TENM2: variants seen among roughly 807,000 people sequenced by gnomAD.
TENM2 encodes the protein teneurin-2.
TENM2 carries 52 observed loss-of-function variants against 245.2 expected under a neutral mutation model. That is an observed-to-expected ratio of 0.21 (90% CI 0.17 to 0.27). TENM2 has a LOEUF of 0.27. Ranked by LOEUF, TENM2 falls within the 10% of genes least tolerant of loss-of-function variation. The probability of loss-of-function intolerance (pLI) is 1.00; values close to 1 mark genes in which losing one functional copy is unlikely to be tolerated. For missense variants in TENM2, 3,046 were observed against 3,666.8 expected, an observed-to-expected ratio of 0.83 and a Z score of 4.37; for synonymous variants, 1,363 against 1,438.9, an observed-to-expected ratio of 0.95 and a Z score of 1.19.
chr5:167,108,371 C>T, the TENM2 span, among the ~76,000 whole-genome samples: 1 of 152,078 alleles, frequency 6.6e-6, no homozygotes, highest in Non-Finnish European at 1.5e-5. Context: ...GGTGATCCAC[C>T]CACCTTGGCC....
At chr5:168,091,005 G>A (rs1026429736) in intron 8 of TENM2, among the ~76,000 whole-genome samples, 2 of 152,140 alleles carry the variant, frequency 1.3e-5, no homozygotes, top group Non-Finnish European at 2.9e-5. Context: ...GTTTGGGTCA[G>A]ACTGCCTGGG....
At chr5:167,344,832 C>T (rs185708419) in intron 1 of TENM2, among the ~76,000 whole-genome samples, 3 of 152,084 alleles carry the variant, frequency 2.0e-5, no homozygotes, top group Non-Finnish European at 2.9e-5. Context: ...TCCTGGAGTC[C>T]CCACAGAAAG....
intron 2 of TENM2, among the ~76,000 whole-genome samples, chr5:167,864,693 C>A (rs17512980): frequency 0.52 from 79,689 of 152,062 alleles, 21,775 homozygotes; most frequent in Non-Finnish European, 0.59. Flanking sequence ...CAGAAAACCT[C>A]GGTTCCAACT....
In TENM2 at chr5:167,435,926, G is replaced by A. The variant is rs112744375; in HGVS notation, c.502+60453G>A. 2.5e-3 allele frequency among the ~76,000 whole-genome samples: 371 copies of A among 150,020 alleles called. 1 individual carries two copies. Among genetic ancestry groups the A allele is most frequent in the African/African-American group, 8.6e-3 (355 of 41,104 alleles). ...GATCTGTGGAACTTTGAACTTGAGA[G>A]AGATGAGTCAGGATACCTGGTAGAA... On this transcript the variant is annotated intron_variant, in intron 2 of 28. Coordinates refer to ENST00000518659, the Ensembl canonical transcript of TENM2.
At chr5:168,149,228 G>A (rs1012384356) in intron 12 of TENM2, among the ~76,000 whole-genome samples, 5 of 152,184 alleles carry the variant, frequency 3.3e-5, no homozygotes, top group Admixed American at 6.5e-5. Context: ...TTCTCTCCGC[G>A]TCTCCACTCT....
At chr5:167,883,316 G>A (rs1025062996) in intron 3 of TENM2, among the ~76,000 whole-genome samples, 1 of 152,214 alleles carries the variant, frequency 6.6e-6, no homozygotes, top group Non-Finnish European at 1.5e-5. Flanking sequence ...ACCAAATAGA[G>A]ATCAGACTTT....
chr5:167,906,078 A>T (rs940836357), intron 3 of TENM2, among the ~76,000 whole-genome samples: 1 of 152,162 alleles, frequency 6.6e-6, no homozygotes, highest in African/African-American at 2.4e-5. Context: ...CATAGCTCAC[A>T]CCTGCCAACC....
At chr5:167,182,480 T>C in the TENM2 span, among the ~76,000 whole-genome samples, 1 of 152,196 alleles carries the variant, frequency 6.6e-6, no homozygotes, top group East Asian at 1.9e-4. Flanking sequence ...TAATCGTGAT[T>C]AGATGAATTT....
chr5:168,088,290 T>C (rs1163855494), intron 7 of TENM2: 1 of 152,218 alleles, frequency 6.6e-6, no homozygotes, highest in Non-Finnish European at 1.5e-5. Flanking sequence ...GTCTTTGCAG[T>C]TGGACATTTT....
intron 1 of TENM2, among the ~76,000 whole-genome samples, chr5:167,329,602 G>A (rs541012817): frequency 6.4e-4 from 90 of 140,010 alleles, no homozygotes; most frequent in African/African-American, 2.2e-3. Flanking sequence ...CTCCCCTTAC[G>A]TTTTTGTTAA....
At chr5:167,794,621 G>C (rs1765199140) in intron 2 of TENM2, among the ~76,000 whole-genome samples, 1 of 152,234 alleles carries the variant, frequency 6.6e-6, no homozygotes, top group Admixed American at 6.5e-5. Context: ...GGAGAAAGAA[G>C]TAGGCAACTG....
At chr5:167,244,638 A>T in the TENM2 span, among the ~76,000 whole-genome samples, 3 of 152,226 alleles carry the variant, frequency 2.0e-5, no homozygotes, top group Non-Finnish European at 4.4e-5. Flanking sequence ...ACATGTGGAG[A>T]GAAGCACATC....
At chr5:167,563,646 A>G (rs1050438719) in intron 2 of TENM2, among the ~76,000 whole-genome samples, 1 of 152,218 alleles carries the variant, frequency 6.6e-6, no homozygotes. Flanking sequence ...CATTTCAGTC[A>G]GGGACAGACC....
intron 2 of TENM2, among the ~76,000 whole-genome samples, chr5:167,599,409 A>G (rs2127724068): frequency 6.6e-6 from 1 of 152,316 alleles, no homozygotes; most frequent in African/African-American, 2.4e-5. Flanking sequence ...AATAAACCAT[A>G]TAACTCTCAA....
intron 2 of TENM2, among the ~76,000 whole-genome samples, chr5:167,525,181 T>G (rs1771026851): frequency 6.6e-6 from 1 of 152,104 alleles, no homozygotes; most frequent in African/African-American, 2.4e-5. Context: ...CAGAAAGAAT[T>G]TCCTTTGAAT....
At chr5:167,759,364 G>C (rs1762512941) in intron 2 of TENM2, among the ~76,000 whole-genome samples, 1 of 151,916 alleles carries the variant, frequency 6.6e-6, no homozygotes, top group African/African-American at 2.4e-5. Flanking sequence ...ATAAATGTTA[G>C]CTTTTATGAG....
intron 13 of TENM2, among the ~76,000 whole-genome samples, chr5:168,178,845 CCCAGCACTTTAATT>C (rs1759591109): frequency 6.6e-6 from 1 of 152,060 alleles, no homozygotes; most frequent in Admixed American, 6.5e-5. Context: ...CGCCTGTAAT[CCCAGCACTTTAATT>C]CCAGCACTGT....
At chr5:167,353,639 C>G (rs1022279579) in intron 1 of TENM2, among the ~76,000 whole-genome samples, 1 of 149,204 alleles carries the variant, frequency 6.7e-6, no homozygotes, top group Non-Finnish European at 1.5e-5. Context: ...TCCCATGTAG[C>G]TGGGACAACA....
chr5:167,181,176 C>T, the TENM2 span, among the ~76,000 whole-genome samples: 2 of 151,980 alleles, frequency 1.3e-5, no homozygotes, highest in Admixed American at 6.5e-5. Flanking sequence ...AATTTCGGCA[C>T]AGCAGTCATG....
Sources: gnomAD v4.1 joint callset for allele counts (sites outside exome capture counted in the v4.1 genomes callset) on GRCh38, gnomAD v4.1.1 for gene constraint, MANE v1.5 for transcripts, NCBI Gene and HGNC (gene_info 2026-07-23, HGNC 2026-07-21) for gene names.